CNTNAP2: variants seen among roughly 807,000 people sequenced by gnomAD.
CNTNAP2 encodes contactin associated protein 2.
CNTNAP2 carries 98 observed loss-of-function variants against 155.2 expected under a neutral mutation model. The ratio of observed to expected loss-of-function variants is 0.63; its 90% CI spans 0.54 to 0.75. The LOEUF (loss-of-function observed/expected upper bound fraction) is 0.75. CNTNAP2 is among the 30% of genes least tolerant of loss of function. The probability of loss-of-function intolerance (pLI) is 0.00; values close to 1 mark genes in which losing one functional copy is unlikely to be tolerated. For missense variants in CNTNAP2, 1,727 were observed against 1,688.1 expected (o/e 1.02, Z -0.40); for synonymous variants, 651 against 631.2 (o/e 1.03, Z -0.47).
chr7:146,958,395 C>T (rs1399698921), intron 3 of CNTNAP2, among the ~76,000 whole-genome samples: 1 of 146,112 alleles, frequency 6.8e-6, no homozygotes, highest in Admixed American at 6.8e-5. Context: ...TTCTTCACAA[C>T]ACATTTTTAT....
In CNTNAP2 at chr7:146,560,435, A is replaced by G. The variant is rs539883151; in HGVS notation, c.98-213836A>G. Among the ~76,000 whole-genome samples the G allele has an allele frequency of 2.6e-5, 4 of 152,050 alleles. No homozygotes were observed. In the South Asian group the frequency reaches 8.3e-4, roughly 32 times the overall value. ...TATACACGTGTGTGTATATATAAATATGTGTGTTATATGTGTATATATATG... is the reference window on the plus strand; with the variant it reads ...TATACACGTGTGTGTATATATAAATGTGTGTGTTATATGTGTATATATATG... On this transcript the variant is annotated intron_variant, in intron 1 of 23. Coordinates refer to ENST00000361727, the MANE Select transcript of CNTNAP2 (RefSeq NM_014141.6).
chr7:148,171,479 G>A (rs903463341), intron 17 of CNTNAP2, among the ~76,000 whole-genome samples: 1 of 152,162 alleles, frequency 6.6e-6, no homozygotes, highest in African/African-American at 2.4e-5. Context: ...GTGATAGAAT[G>A]CCTCAATGAA....
At chr7:147,379,018 C>T (rs1280263305) in intron 9 of CNTNAP2, among the ~76,000 whole-genome samples, 2 of 151,956 alleles carry the variant, frequency 1.3e-5, no homozygotes, top group Non-Finnish European at 2.9e-5. Flanking sequence ...TGAGTTCTCA[C>T]GACATCTGAT....
At chr7:146,204,389 A>G (rs984598257) in intron 1 of CNTNAP2, among the ~76,000 whole-genome samples, 1 of 152,118 alleles carries the variant, frequency 6.6e-6, no homozygotes, top group Non-Finnish European at 1.5e-5. Context: ...TAATAGGTAT[A>G]CCTTTTTTTA....
At chr7:147,539,139 A>T (rs1423456636) in intron 11 of CNTNAP2, among the ~76,000 whole-genome samples, 1 of 152,196 alleles carries the variant, frequency 6.6e-6, no homozygotes, top group Non-Finnish European at 1.5e-5. Context: ...ACACATATAT[A>T]TACATATATC....
At chr7:146,913,091 T>G (rs887040120) in intron 3 of CNTNAP2, among the ~76,000 whole-genome samples, 1 of 152,166 alleles carries the variant, frequency 6.6e-6, no homozygotes, top group Non-Finnish European at 1.5e-5. Flanking sequence ...CTGGGTTAGA[T>G]AAATCAGCAA....
At chr7:147,748,473 A>G (rs1290345149) in intron 13 of CNTNAP2, among the ~76,000 whole-genome samples, 1 of 152,150 alleles carries the variant, frequency 6.6e-6, no homozygotes, top group Non-Finnish European at 1.5e-5. Context: ...CAGAACCGCA[A>G]CTCAAACTTG....
rs1160971154 is a variant in CNTNAP2, at chr7:148,374,907, G to C, written c.3476-8742G>C. Among the ~76,000 whole-genome samples, 4 of 152,294 alleles carry C rather than the reference G, an allele frequency of 2.6e-5. No individual in the cohort carries two copies. In the East Asian group the frequency reaches 7.7e-4, roughly 29 times the overall value. On this transcript the variant is annotated intron_variant, in intron 21 of 23. Coordinates refer to ENST00000361727, the MANE Select transcript of CNTNAP2 (RefSeq NM_014141.6). ...GAAGTAAATCATAGCACCCAGCTCT[G>C]TGGTTTGAGTGACAGGTACATCCAT...
At chr7:146,838,121 T>C (rs1250217894) in intron 2 of CNTNAP2, among the ~76,000 whole-genome samples, 1 of 152,166 alleles carries the variant, frequency 6.6e-6, no homozygotes, top group African/African-American at 2.4e-5. Context: ...TGAATTGTAA[T>C]ATGTTTCCGT....
At chr7:147,473,159 C>T (rs1175846506) in intron 10 of CNTNAP2, among the ~76,000 whole-genome samples, 1 of 152,158 alleles carries the variant, frequency 6.6e-6, no homozygotes, top group African/African-American at 2.4e-5. Flanking sequence ...GAGTGGATTT[C>T]AGGTTGGAGT....
intron 14 of CNTNAP2, among the ~76,000 whole-genome samples, chr7:147,955,682 T>C (rs1801007498): frequency 6.6e-6 from 1 of 152,150 alleles, no homozygotes; most frequent in Non-Finnish European, 1.5e-5. Context: ...CCACCTCAGC[T>C]ATCATATGAT....
intron 9 of CNTNAP2, among the ~76,000 whole-genome samples, chr7:147,372,746 C>A (rs1311649569): frequency 6.6e-6 from 1 of 152,010 alleles, no homozygotes; most frequent in Non-Finnish European, 1.5e-5. Context: ...AAAAAAATGT[C>A]ATCAAGTGAG....
intron 13 of CNTNAP2, among the ~76,000 whole-genome samples, chr7:147,738,836 G>T (rs531615410): frequency 1.3e-5 from 2 of 151,806 alleles, no homozygotes; most frequent in Non-Finnish European, 2.9e-5. Context: ...TGTATTTTTA[G>T]TACAGACAGG....
chr7:146,744,043 A>G (rs144019682), intron 1 of CNTNAP2, among the ~76,000 whole-genome samples: 2,431 of 151,962 alleles, frequency 0.016, 63 homozygotes, highest in African/African-American at 0.055. Context: ...CCTTGCCAAC[A>G]TGGTGAAACT....
At chr7:147,927,538 T>A (rs960737704) in intron 14 of CNTNAP2, among the ~76,000 whole-genome samples, 5 of 152,202 alleles carry the variant, frequency 3.3e-5, no homozygotes, top group Non-Finnish European at 5.9e-5. Flanking sequence ...AAAATTTTTT[T>A]AAAAAGAATT....
intron 4 of CNTNAP2, among the ~76,000 whole-genome samples, chr7:147,047,686 A>G (rs1799392430): frequency 1.3e-5 from 2 of 152,148 alleles, no homozygotes; most frequent in South Asian, 2.1e-4. Context: ...AACTGTGACC[A>G]CATGTTCTGT....
chr7:146,933,918 A>G (rs902351054), intron 3 of CNTNAP2, among the ~76,000 whole-genome samples: 9 of 151,630 alleles, frequency 5.9e-5, no homozygotes, highest in Non-Finnish European at 8.9e-5. Context: ...TTAGAATGGC[A>G]ATCATTAAAA....
At chr7:147,662,889 G>A (rs1420106360) in intron 13 of CNTNAP2, among the ~76,000 whole-genome samples, 4 of 152,088 alleles carry the variant, frequency 2.6e-5, no homozygotes, top group Non-Finnish European at 5.9e-5. Flanking sequence ...TTTTTTTATT[G>A]TATTTCTTAA....
chr7:146,698,282 T>G (rs2129172733), intron 1 of CNTNAP2, among the ~76,000 whole-genome samples: 1 of 152,220 alleles, frequency 6.6e-6, no homozygotes, highest in African/African-American at 2.4e-5. Flanking sequence ...TCCAATTTTC[T>G]AATCTGAGTC....
Sources: allele counts gnomAD v4.1 joint callset (sites outside exome capture counted in the v4.1 genomes callset), GRCh38; gene constraint gnomAD v4.1.1; transcripts MANE v1.5; gene names NCBI Gene and HGNC (gene_info 2026-07-23, HGNC 2026-07-21).